The following FOXP2 variants were observed in gnomAD, a reference collection of about 807,000 sequenced individuals.
FOXP2 encodes the protein forkhead box P2.
A neutral mutation model predicts 115.8 loss-of-function variants in FOXP2; 12 were observed. The observed-to-expected ratio is 0.10, with a 90% CI of 0.07 to 0.17. FOXP2 has a LOEUF of 0.17. FOXP2 is among the 10% of genes least tolerant of loss of function. The pLI is 1.00. For missense variants in FOXP2, 629 were observed against 843.5 expected, an observed-to-expected ratio of 0.75 and a Z score of 3.15; for synonymous variants, 328 against 297.7, an observed-to-expected ratio of 1.10 and a Z score of -1.05.
rs139081436 is a variant in FOXP2, at chr7:114,164,858, T to C, written c.-102+1770T>C. Among the ~76,000 whole-genome samples the C allele has an allele frequency of 2.7e-3, 416 of 152,270 alleles. 4 individuals carry two copies. Among genetic ancestry groups the C allele is most frequent in the African/African-American group, 9.7e-3 (402 of 41,546 alleles). On this transcript the variant is annotated intron_variant, in intron 1 of 17. Coordinates refer to the FOXP2 transcript ENST00000634411. ...AAATAATGCCGTTCACAGAAAAATC[T>C]TGGTGACCCTCTGCTCTACAGAAAT...
At chr7:114,537,027 A>G (rs1377359140) in intron 3 of FOXP2, among the ~76,000 whole-genome samples, 1 of 151,582 alleles carries the variant, frequency 6.6e-6, no homozygotes, top group African/African-American at 2.4e-5. Context: ...CAGGAATATT[A>G]GGTAATGCTT....
At chr7:114,216,519 A>C (rs1280288256) in intron 1 of FOXP2, among the ~76,000 whole-genome samples, 1 of 152,040 alleles carries the variant, frequency 6.6e-6, no homozygotes, top group African/African-American at 2.4e-5. Context: ...CATTTTATAT[A>C]TTTTTATATA....
intron 2 of FOXP2, among the ~76,000 whole-genome samples, chr7:114,335,481 ATTT>A (rs1242870260): frequency 4.6e-5 from 7 of 151,498 alleles, no homozygotes; most frequent in Non-Finnish European, 1.0e-4. Context: ...TTTACAAACT[ATTT>A]TTTAAAATAG....
At chr7:114,345,393 T>C (rs1207299152) in intron 2 of FOXP2, among the ~76,000 whole-genome samples, 1 of 151,866 alleles carries the variant, frequency 6.6e-6, no homozygotes, top group Non-Finnish European at 1.5e-5. Context: ...TATTTACTGT[T>C]ATTCTATACC....
chr7:114,567,878 A>G (rs1335800546), intron 3 of FOXP2, among the ~76,000 whole-genome samples: 1 of 152,054 alleles, frequency 6.6e-6, no homozygotes, highest in Non-Finnish European at 1.5e-5. Context: ...TCAAAGCACA[A>G]TTTCTTCAAC....
At chr7:114,592,113 A>AATCTG (rs1802469019) in intron 3 of FOXP2, among the ~76,000 whole-genome samples, 1 of 152,234 alleles carries the variant, frequency 6.6e-6, no homozygotes, top group East Asian at 1.9e-4. Flanking sequence ...ATCAGATAAT[A>AATCTG]ATCTAGGTAA....
intron 2 of FOXP2, among the ~76,000 whole-genome samples, chr7:114,371,047 G>A (rs961116983): frequency 6.6e-6 from 1 of 152,070 alleles, no homozygotes; most frequent in African/African-American, 2.4e-5. Context: ...TAAAATGAAA[G>A]AATGTTAAAT....
At chr7:114,494,324 G>A (rs991870456) in intron 2 of FOXP2, among the ~76,000 whole-genome samples, 2 of 152,244 alleles carry the variant, frequency 1.3e-5, no homozygotes, top group East Asian at 1.9e-4. Flanking sequence ...CTATGATACT[G>A]TTGAACCAGT....
chr7:114,169,678 A>G (rs964056462), intron 1 of FOXP2, among the ~76,000 whole-genome samples: 1 of 152,024 alleles, frequency 6.6e-6, no homozygotes, highest in African/African-American at 2.4e-5. Context: ...AAATGTGAGG[A>G]CATGAGATTT....
At chr7:114,272,606 G>T (rs960955616) in intron 1 of FOXP2, among the ~76,000 whole-genome samples, 6 of 151,616 alleles carry the variant, frequency 4.0e-5, no homozygotes, top group African/African-American at 1.5e-4. Flanking sequence ...TATGAGTTTT[G>T]GCAGCTTGTG....
intron 2 of FOXP2, among the ~76,000 whole-genome samples, chr7:114,471,515 T>A (rs977287765): frequency 1.1e-4 from 17 of 152,218 alleles, no homozygotes; most frequent in African/African-American, 3.9e-4. Flanking sequence ...ATCAGAATTC[T>A]CACTCATATA....
intron 3 of FOXP2, among the ~76,000 whole-genome samples, chr7:114,567,759 C>T (rs1050803402): frequency 6.6e-6 from 1 of 152,036 alleles, no homozygotes; most frequent in Non-Finnish European, 1.5e-5. Context: ...CTTCATGGTT[C>T]TGTTAAAGCA....
intron 2 of FOXP2, among the ~76,000 whole-genome samples, chr7:114,520,719 G>T (rs909385932): frequency 6.6e-6 from 1 of 151,890 alleles, no homozygotes; most frequent in South Asian, 2.1e-4. Flanking sequence ...AACAAAGGAG[G>T]CAAAGCAAGG....
intron 16 of FOXP2, among the ~76,000 whole-genome samples, chr7:114,671,437 C>T (rs1218170109): frequency 1.3e-5 from 2 of 152,194 alleles, no homozygotes; most frequent in Non-Finnish European, 2.9e-5. Context: ...ATCTGACATC[C>T]GTGGTGTGAA....
At position 114,415,167 on chromosome 7, in the gene FOXP2, T is replaced by G. The variant is rs1183379782; in HGVS notation, c.-204T>G. 2.2e-6 allele frequency: 1 copy of G among 454,350 alleles called. No homozygotes were observed. Among genetic ancestry groups the G allele is most frequent in the Non-Finnish European group, 4.4e-6 (1 of 226,714 alleles). The allele number at this position is 454,350 out of a possible 1,614,324, so 28.1% of individuals were successfully genotyped here. A position where few individuals can be genotyped will look rare whatever the true frequency, so the allele number is the denominator to read the frequency against. On this transcript the variant is annotated 5_prime_UTR_variant, in exon 1 of 17. Transcript: ENST00000350908. ...TCTGGGACGTGATCGGGCAGAGGTG[T>G]ACTCACAGTAGTGTAAATACTGCTG...
Position 114,691,642 on chromosome 7 carries a change from T to C in FOXP2, c.*1716T>C. The C allele has an allele frequency of 2.2e-6, 1 of 453,882 alleles. No individual in the cohort carries two copies. The highest frequency in any genetic ancestry group is 4.4e-6 in the Non-Finnish European group (1 of 226,718). The allele number at this position is 453,882 out of a possible 1,614,324, so 28.1% of individuals were successfully genotyped here. A position where few individuals can be genotyped will look rare whatever the true frequency, so the allele number is the denominator to read the frequency against. ...GTTGCTTTTCATGTGCTGTGCCAAG[T>C]CTTGATAATACTTTTTCCCCCAACC... On this transcript the variant is annotated 3_prime_UTR_variant, in exon 17 of 17. Transcript: ENST00000350908.
intron 2 of FOXP2, among the ~76,000 whole-genome samples, chr7:114,330,482 TTATA>T (rs35683793): frequency 2.1e-5 from 3 of 145,882 alleles, no homozygotes; most frequent in East Asian, 2.0e-4. Flanking sequence ...AAAAAAAAGT[TTATA>T]TATATATATA....
In FOXP2 at chr7:114,122,430, C is replaced by T. The variant is rs571787374; in HGVS notation, c.-247+34592C>T. Among the ~76,000 whole-genome samples, 20 of 145,824 alleles carry T rather than the reference C, an allele frequency of 1.4e-4. No homozygotes were observed. In the South Asian group the frequency reaches 1.7e-3, roughly 13 times the overall value. On this transcript the variant is annotated intron_variant, in intron 1 of 19. Transcript: ENST00000635638. ...TTTTTTTTCCTTTTTTTTTTGGCCA[C>T]TGGGAGTTTTGTTGCCAGCAATGAA...
At chr7:114,493,518 G>T (rs182648938) in intron 2 of FOXP2, among the ~76,000 whole-genome samples, 1 of 152,158 alleles carries the variant, frequency 6.6e-6, no homozygotes, top group African/African-American at 2.4e-5. Context: ...ACTCAATAGT[G>T]CTGTGCTCCT....
Sources: allele counts gnomAD v4.1 joint callset (sites outside exome capture counted in the v4.1 genomes callset), GRCh38; gene constraint gnomAD v4.1.1; transcripts MANE v1.5; gene names NCBI Gene and HGNC (gene_info 2026-07-23, HGNC 2026-07-21).